Variants in CFAP47 observed in about 807,000 individuals in gnomAD.
The protein encoded by CFAP47 is cilia and flagella associated protein 47, also known as cilia- and flagella-associated protein 47.
CFAP47 carries 29 observed loss-of-function variants against 148.1 expected under a neutral mutation model. The observed-to-expected ratio is 0.20, with a 90% CI of 0.15 to 0.27. The LOEUF is 0.27. Ranked by LOEUF, CFAP47 falls within the 10% of genes least tolerant of loss-of-function variation. The pLI, the probability that CFAP47 is intolerant of heterozygous loss-of-function variation, is 1.00. For synonymous variants in CFAP47, 664 were observed against 577.3 expected, an observed-to-expected ratio of 1.15 and a Z score of -2.15; for missense variants, 1,872 against 1,697.5, an observed-to-expected ratio of 1.10 and a Z score of -1.81.
chrX:36,172,504 A>C (rs1383865819), intron 39 of CFAP47, among the ~76,000 whole-genome samples: 2 of 109,795 alleles, frequency 1.8e-5, no homozygotes, highest in Non-Finnish European at 3.8e-5. Context: ...AGTTTTTAGC[A>C]TGAGGGGTTG....
At chrX:36,236,999 C>G (rs1475175615) in intron 48 of CFAP47, 140 bp downstream of exon 48, 1 of 380,693 alleles carries the variant, frequency 2.6e-6, no homozygotes, top group African/African-American at 2.6e-5. Flanking sequence ...GTCTACAATC[C>G]TACCTATTAT....
chrX:36,300,439 G>A (rs1303519183), intron 52 of CFAP47, among the ~76,000 whole-genome samples: 1 of 110,324 alleles, frequency 9.1e-6, no homozygotes, highest in Non-Finnish European at 1.9e-5. Flanking sequence ...ACAGGTGACC[G>A]CCACTACACC....
chrX:36,093,445 T>C (rs1938220055), intron 30 of CFAP47, among the ~76,000 whole-genome samples: 1 of 111,375 alleles, frequency 9.0e-6, no homozygotes, highest in Non-Finnish European at 1.9e-5. Context: ...TGGATAAATG[T>C]CATTTTAACT....
chrX:36,324,151 A>G (rs1161904238), intron 57 of CFAP47, among the ~76,000 whole-genome samples: 1 of 111,825 alleles, frequency 8.9e-6, no homozygotes, highest in African/African-American at 3.2e-5. Flanking sequence ...ACAAGAGTGT[A>G]GGTGAATTGT....
intron 26 of CFAP47, among the ~76,000 whole-genome samples, chrX:36,049,492 A>T (rs769302767): frequency 0.05 from 3,760 of 74,688 alleles, 158 homozygotes; most frequent in African/African-American, 0.25. Context: ...TCTCTCTCAC[A>T]CACACACACA....
Position 36,145,237 on chromosome X carries a change from C to G in CFAP47, c.5554C>G (p.Pro1852Ala). The change falls in exon 36 of 64, where the codon CCA (proline) becomes GCA (alanine). Residue 1852 changes from proline (P) to alanine (A), a missense_variant. By Grantham distance (27) the Pro-to-Ala change is conservative. Coordinates refer to ENST00000378653, the MANE Select transcript of CFAP47 (RefSeq NM_001304548.2). ...AAACTAGGCCACAGACATCTGTGAC[C>G]CAAATCCAATCCTGATGCTCATGCT... is the stretch of plus-strand genomic sequence containing the variant. ...VEIQATDICD[P>A]NPILMLMLCV... 3.3e-6 allele frequency: 1 copy of G among 302,512 alleles called. No individual in the cohort carries two copies. Among genetic ancestry groups the G allele is most frequent in the Non-Finnish European group, 5.8e-6 (1 of 173,309 alleles). The allele number at this position is 302,512 out of a possible 1,213,427, so 24.9% of individuals were successfully genotyped here. A position where few individuals can be genotyped will look rare whatever the true frequency, so the allele number is the denominator to read the frequency against.
intron 37 of CFAP47, among the ~76,000 whole-genome samples, chrX:36,151,267 T>C (rs984611816): frequency 8.9e-6 from 1 of 112,204 alleles, no homozygotes; most frequent in Non-Finnish European, 1.9e-5. Context: ...TCACCTAGAA[T>C]TACATCAAAC....
At chrX:36,379,759 C>T (rs1200111711) in intron 63 of CFAP47, 5 of 291,330 alleles carry the variant, frequency 1.7e-5, no homozygotes, top group South Asian at 1.1e-4. Flanking sequence ...AAAATACTTT[C>T]CTTCCATATT....
intron 24 of CFAP47, among the ~76,000 whole-genome samples, chrX:36,037,840 C>T (rs1937356450): frequency 9.0e-6 from 1 of 111,252 alleles, no homozygotes; most frequent in Admixed American, 9.6e-5. Flanking sequence ...CCATTATTTC[C>T]CTATAGATTT....
chrX:36,382,735 G>T (rs1942089204), intron 63 of CFAP47, among the ~76,000 whole-genome samples: 1 of 111,223 alleles, frequency 9.0e-6, no homozygotes, highest in Non-Finnish European at 1.9e-5. Flanking sequence ...ACCTGAATGT[G>T]GAAGTTTCAT....
intron 46 of CFAP47, among the ~76,000 whole-genome samples, chrX:36,234,948 A>G (rs1244596394): frequency 1.8e-5 from 2 of 111,423 alleles, no homozygotes; most frequent in Non-Finnish European, 3.8e-5. Context: ...TGAACTGCGA[A>G]TGCTGCTGTC....
chrX:36,169,383 T>C (rs1404353924), intron 39 of CFAP47, among the ~76,000 whole-genome samples: 3 of 110,630 alleles, frequency 2.7e-5, no homozygotes, highest in Non-Finnish European at 5.7e-5. Context: ...CTCTCTCTTG[T>C]CTTTTGGAAA....
intron 39 of CFAP47, among the ~76,000 whole-genome samples, chrX:36,161,395 G>A (rs1054365319): frequency 4.1e-4 from 45 of 110,951 alleles, no homozygotes; most frequent in African/African-American, 1.4e-3. Flanking sequence ...TTCTGTACAT[G>A]TCCAAAATTG....
In CFAP47 at chrX:36,303,914, A is replaced by G. The variant is rs1317031012; in HGVS notation, c.8036A>G (p.Asn2679Ser). The G allele has an allele frequency of 3.5e-6, 4 of 1,141,778 alleles. No homozygotes were observed. Among genetic ancestry groups the G allele is most frequent in the Non-Finnish European group, 4.7e-6 (4 of 854,901 alleles). 94.1% of individuals were successfully genotyped at this position (1,141,778 alleles called of 1,213,427 possible). A position where few individuals can be genotyped will look rare whatever the true frequency, so the allele number is the denominator to read the frequency against. The change falls in exon 54 of 64, where the codon AAC (asparagine) becomes AGC (serine). Residue 2679 changes from asparagine to serine, a missense_variant. Coordinates refer to ENST00000378653, the MANE Select transcript of CFAP47 (RefSeq NM_001304548.2). ...THETLKLQVT[N>S]SNPENFVLDI... ...GAAACCTTAAAATTGCAAGTAACAA[A>G]CAGTAATCCTGAAAATTTTGTCCTG...
In CFAP47 at chrX:35,956,245, G is replaced by A. The variant is rs758530475; in HGVS notation, c.1410+49G>A. On this transcript the variant is annotated intron_variant, in intron 8 of 63. Coordinates refer to ENST00000378653, the MANE Select transcript of CFAP47 (RefSeq NM_001304548.2). ...TACATGGCAGCTAACATTTTAAGGT[G>A]TGCTAAAATGCTATGCGGAGGATTA... 21 of 946,176 alleles carry A rather than the reference G, an allele frequency of 2.2e-5. No homozygotes were observed. The East Asian group carries it at 6.6e-4, about 30-fold the overall frequency. 78.0% of individuals were successfully genotyped at this position (946,176 alleles called of 1,213,427 possible). A position where few individuals can be genotyped will look rare whatever the true frequency, so the allele number is the denominator to read the frequency against.
intron 13 of CFAP47, among the ~76,000 whole-genome samples, chrX:35,974,570 T>C (rs964393437): frequency 1.8e-5 from 2 of 111,648 alleles, no homozygotes; most frequent in African/African-American, 6.5e-5. Flanking sequence ...ATGTTCAGTC[T>C]TTATTGTGGT....
rs1556017920 is a variant in CFAP47, at chrX:36,353,680, T to C, written c.8850T>C (p.Asn2950=). The change falls in exon 60 of 64, where the codon AAT becomes AAC. Residue 2950 remains asparagine (N), a splice_region_variant and synonymous_variant. Coordinates refer to ENST00000378653, the MANE Select transcript of CFAP47 (RefSeq NM_001304548.2). ...RNSHNFCEDP[N]EIPKIHEFEY... ...CACATAATTTTTGTGAGGATCCCAA[T>C]GGTAAGAGAACTACGGTTATAGAAA... is the stretch of plus-strand genomic sequence containing the variant. The C allele has an allele frequency of 5.3e-6, 6 of 1,142,479 alleles. No homozygotes were observed. In the South Asian group the frequency reaches 7.9e-5, roughly 15 times the overall value. The allele number at this position is 1,142,479 out of a possible 1,213,427, so 94.2% of individuals were successfully genotyped here.
At chrX:35,995,525 T>C (rs1936836974) in intron 18 of CFAP47, among the ~76,000 whole-genome samples, 1 of 110,623 alleles carries the variant, frequency 9.0e-6, no homozygotes, top group South Asian at 3.8e-4. Flanking sequence ...ATATGGGGAT[T>C]GGTGATTGAA....
chrX:36,262,079 T>A (rs782184152), intron 49 of CFAP47, among the ~76,000 whole-genome samples: 2 of 112,514 alleles, frequency 1.8e-5, no homozygotes, highest in South Asian at 3.7e-4. Context: ...TAAATTTTTT[T>A]ATTTTTAATT....
Sources: allele counts gnomAD v4.1 joint callset (sites outside exome capture counted in the v4.1 genomes callset), GRCh38; gene constraint gnomAD v4.1.1; transcripts MANE v1.5; gene names NCBI Gene and HGNC (gene_info 2026-07-23, HGNC 2026-07-21).